The following LAMA2 variants were observed in gnomAD, a reference collection of about 807,000 sequenced individuals.
LAMA2 encodes the protein laminin subunit alpha-2.
Under a neutral mutation model 364.8 loss-of-function variants are expected in LAMA2, and 269 were observed. The ratio of observed to expected loss-of-function variants is 0.74; its 90% CI spans 0.67 to 0.82. The LOEUF (loss-of-function observed/expected upper bound fraction) is 0.82, where lower values mean the gene tolerates loss of function less well. Ranked by LOEUF, LAMA2 falls within the 40% of genes least tolerant of loss-of-function variation. LAMA2 has a pLI of 0.00. For synonymous variants in LAMA2, 1,379 were observed against 1,370.6 expected (o/e 1.01, Z -0.14); for missense variants, 3,807 against 3,873.2 (o/e 0.98, Z 0.45).
intron 3 of LAMA2, among the ~76,000 whole-genome samples, chr6:129,066,044 T>TTTTTTTTTTTTTTTTTG (rs1789291759): frequency 4.8e-5 from 1 of 20,834 alleles, no homozygotes; most frequent in East Asian, 0.01. Context: ...TCAGGTTTTT[T>TTTTTTTTTTTTTTTTTG]TTTTTTTTTT....
At chr6:128,898,343 T>C (rs115836813) in intron 1 of LAMA2, among the ~76,000 whole-genome samples, 1,592 of 152,334 alleles carry the variant, frequency 0.01, 27 homozygotes, top group African/African-American at 0.037. Context: ...TTTGCCAGGA[T>C]TGAACATAGG....
chr6:129,170,179 T>C (rs1780042276), intron 9 of LAMA2, among the ~76,000 whole-genome samples: 1 of 148,762 alleles, frequency 6.7e-6, no homozygotes, highest in African/African-American at 2.5e-5. Flanking sequence ...CTGCTCTGAT[T>C]TTAGTTATTT....
chr6:129,492,577 C>G (rs1262507535), intron 58 of LAMA2, 94 bp downstream of exon 58: 4 of 1,112,584 alleles, frequency 3.6e-6, no homozygotes, highest in Non-Finnish European at 5.5e-6. Context: ...CTAGTACACT[C>G]TGATATTAGA....
At chr6:129,272,037 C>G (rs1370446356) in intron 17 of LAMA2, among the ~76,000 whole-genome samples, 9 of 152,124 alleles carry the variant, frequency 5.9e-5, no homozygotes, top group Non-Finnish European at 7.4e-5. Context: ...CTTCTTTACT[C>G]AGAATTTTTT....
intron 1 of LAMA2, among the ~76,000 whole-genome samples, chr6:129,019,238 A>T (rs1271168699): frequency 1.3e-5 from 2 of 151,948 alleles, no homozygotes; most frequent in Non-Finnish European, 2.9e-5. Context: ...AATATACAAA[A>T]TGGCAGGCCC....
At chr6:129,494,693 T>A (rs1785064746) in intron 58 of LAMA2, among the ~76,000 whole-genome samples, 2 of 152,204 alleles carry the variant, frequency 1.3e-5, no homozygotes, top group African/African-American at 4.8e-5. Flanking sequence ...GGGGGGTTAG[T>A]TCCAGGAGTT....
intron 5 of LAMA2, among the ~76,000 whole-genome samples, chr6:129,144,423 A>G (rs943622561): frequency 5.3e-5 from 8 of 151,944 alleles, no homozygotes; most frequent in African/African-American, 1.9e-4. Context: ...GATCTATACT[A>G]CTATTATAAT....
chr6:129,229,495 T>C (rs573835454), intron 12 of LAMA2, among the ~76,000 whole-genome samples: 14 of 152,350 alleles, frequency 9.2e-5, no homozygotes, highest in African/African-American at 3.1e-4. Context: ...AGTTAATGTC[T>C]TCACATTTTT....
At chr6:128,983,284 G>C (rs1415588474) in intron 1 of LAMA2, among the ~76,000 whole-genome samples, 1 of 151,982 alleles carries the variant, frequency 6.6e-6, no homozygotes, top group Non-Finnish European at 1.5e-5. Context: ...GTTGTTTCCT[G>C]ACTTTTTAAT....
At chr6:129,097,411 A>G (rs1775252318) in intron 3 of LAMA2, among the ~76,000 whole-genome samples, 1 of 152,214 alleles carries the variant, frequency 6.6e-6, no homozygotes, top group Non-Finnish European at 1.5e-5. Flanking sequence ...CAAATTCTAT[A>G]TAAATTTGTA....
In LAMA2 at chr6:128,940,102, A is replaced by AT. The variant is rs34466115; in HGVS notation, c.112+56754dup. Among the ~76,000 whole-genome samples the AT allele has an allele frequency of 6.9e-3, 1,049 of 151,604 alleles. 8 individuals are homozygous for AT. Among genetic ancestry groups the AT allele is most frequent in the Non-Finnish European group, 0.011 (721 of 67,846 alleles). ...TCAAGTTATGTTTTGTTCATAATGGATTTTTTTTTGTTTGTTTTCTGAATG... is the reference window on the plus strand; with the variant it reads ...TCAAGTTATGTTTTGTTCATAATGGATTTTTTTTTTGTTTGTTTTCTGAATG... On this transcript the variant is annotated intron_variant, in intron 1 of 64. Transcript: ENST00000421865.
intron 1 of LAMA2, among the ~76,000 whole-genome samples, chr6:129,025,217 T>A (rs1785727441): frequency 6.6e-6 from 1 of 152,220 alleles, no homozygotes; most frequent in Non-Finnish European, 1.5e-5. Flanking sequence ...TACTTCCACT[T>A]TTTTACATAA....
Position 128,891,530 on chromosome 6 carries a change from G to A in LAMA2, c.112+8173G>A, listed in dbSNP as rs886086460. Among the ~76,000 whole-genome samples, 7 of 152,050 alleles carry A rather than the reference G, an allele frequency of 4.6e-5. No individual in the cohort carries two copies. In the South Asian group the frequency reaches 6.2e-4, roughly 14 times the overall value. ...AGCTACCTCATCTCATTGGTTTGTC[G>A]TGGTACATATGTAAAACACTGAATA... On this transcript the variant is annotated intron_variant, in intron 1 of 64. Coordinates refer to ENST00000421865, the MANE Select transcript of LAMA2 (RefSeq NM_000426.4).
intron 4 of LAMA2, among the ~76,000 whole-genome samples, chr6:129,124,721 C>A (rs1320560226): frequency 6.6e-6 from 1 of 152,124 alleles, no homozygotes; most frequent in Non-Finnish European, 1.5e-5. Context: ...ATTTTAAATA[C>A]CATATATTTA....
Position 129,049,923 on chromosome 6 carries a change from T to G in LAMA2, c.118T>G (p.Phe40Val). The G allele has an allele frequency of 6.2e-7, 1 of 1,613,764 alleles. No individual in the cohort carries two copies. The highest frequency in any genetic ancestry group is 8.5e-7 in the Non-Finnish European group (1 of 1,179,644). Residue 40 changes from phenylalanine to valine, a missense_variant, in exon 2 of 65, where the codon TTC becomes GTC. Physicochemically the swap from Phe to Val is conservative, Grantham distance 50. Coordinates refer to ENST00000421865, the MANE Select transcript of LAMA2 (RefSeq NM_000426.4). The stretch of plus-strand genomic sequence containing the variant: ...CATTTGTCCATCTTTTTCAGGTTTA[T>G]TCCCTGCTGTCCTGAATCTTGCTTC... ...QSQAHQQRGL[F>V]PAVLNLASNA...
chr6:129,121,879 C>T (rs1236466968), intron 4 of LAMA2, among the ~76,000 whole-genome samples: 1 of 152,044 alleles, frequency 6.6e-6, no homozygotes, highest in Non-Finnish European at 1.5e-5. Flanking sequence ...TACCTAAAAT[C>T]CCAAATCTTC....
At chr6:128,987,874 A>C (rs1783366529) in intron 1 of LAMA2, among the ~76,000 whole-genome samples, 1 of 151,936 alleles carries the variant, frequency 6.6e-6, no homozygotes, top group African/African-American at 2.4e-5. Context: ...TCAGCATGTA[A>C]GTTTTTTGTT....
At chr6:128,962,183 T>TATATATAC (rs1781573685) in intron 1 of LAMA2, among the ~76,000 whole-genome samples, 1 of 113,926 alleles carries the variant, frequency 8.8e-6, no homozygotes, top group South Asian at 2.6e-4. Context: ...TATATATATA[T>TATATATAC]ATACACACAT....
In LAMA2 at chr6:129,017,548, A is replaced by C. The variant is rs1365804825; in HGVS notation, c.113-32370A>C. Among the ~76,000 whole-genome samples, 12 of 152,078 alleles carry C rather than the reference A, an allele frequency of 7.9e-5. No individual in the cohort carries two copies. The East Asian group carries it at 2.3e-3, about 29-fold the overall frequency. ...GGCCTAGCAAAGTTTTATTGATCTT[A>C]CATATATATATATATAAAATGGTTT... On this transcript the variant is annotated intron_variant, in intron 1 of 64. Transcript: ENST00000421865.
Sources: gnomAD v4.1 joint callset for allele counts (sites outside exome capture counted in the v4.1 genomes callset) on GRCh38, gnomAD v4.1.1 for gene constraint, MANE v1.5 for transcripts, NCBI Gene and HGNC (gene_info 2026-07-23, HGNC 2026-07-21) for gene names.